Variants in ANKS1B observed in about 807,000 individuals in gnomAD.
The protein encoded by ANKS1B is ankyrin repeat and sterile alpha motif domain containing 1B.
ANKS1B carries 36 observed loss-of-function variants against 148.3 expected under a neutral mutation model. That is an observed-to-expected ratio of 0.24 (90% CI 0.19 to 0.32). The LOEUF is 0.32. ANKS1B is among the 10% of genes least tolerant of loss of function. The pLI, the probability that ANKS1B is intolerant of heterozygous loss-of-function variation, is 1.00. For missense variants in ANKS1B, 1,157 were observed against 1,542.6 expected, an observed-to-expected ratio of 0.75 and a Z score of 4.19; for synonymous variants, 542 against 560.8, an observed-to-expected ratio of 0.97 and a Z score of 0.47.
chr12:99,258,289 T>C (rs1297793097), intron 12 of ANKS1B, among the ~76,000 whole-genome samples: 1 of 152,100 alleles, frequency 6.6e-6, no homozygotes, highest in African/African-American at 2.4e-5. Flanking sequence ...AACAAGCTTA[T>C]TTTAATTAAT....
At chr12:99,217,022 G>A (rs973229112) in intron 14 of ANKS1B, among the ~76,000 whole-genome samples, 1 of 152,166 alleles carries the variant, frequency 6.6e-6, no homozygotes, top group African/African-American at 2.4e-5. Context: ...GAAGCTGTGT[G>A]TTAAAGGTGG....
intron 17 of ANKS1B, among the ~76,000 whole-genome samples, chr12:98,956,602 G>A (rs1441665780): frequency 6.7e-6 from 1 of 149,358 alleles, no homozygotes; most frequent in Non-Finnish European, 1.5e-5. Flanking sequence ...CCTGTAGTTA[G>A]TTAACTTATT....
At chr12:99,528,743 A>T (rs2096956698) in intron 9 of ANKS1B, among the ~76,000 whole-genome samples, 1 of 151,804 alleles carries the variant, frequency 6.6e-6, no homozygotes, top group African/African-American at 2.4e-5. Flanking sequence ...ATGTGCAAGT[A>T]CTGATATGTT....
chr12:98,884,741 G>T lies in ANKS1B; in HGVS notation c.2779-52605C>A, dbSNP rs998103618. On this transcript the variant is annotated intron_variant, in intron 17 of 26. Coordinates refer to ENST00000683438, the MANE Select transcript of ANKS1B (RefSeq NM_001352186.2). ...GTGAACCCGGGAAGCGGAGCTTGCA[G>T]TGAGCTGAGATTGCGCCACTGCAGT... is the stretch of plus-strand genomic sequence containing the variant. Among the ~76,000 whole-genome samples the T allele has an allele frequency of 2.0e-5, 3 of 149,688 alleles. No individual in the cohort carries two copies. In the Admixed American group the frequency reaches 2.0e-4, roughly 10 times the overall value.
chr12:99,088,836 C>CTTTTTTT (rs1292229404), intron 15 of ANKS1B, among the ~76,000 whole-genome samples: 1 of 47,734 alleles, frequency 2.1e-5, no homozygotes, highest in African/African-American at 7.5e-5. Flanking sequence ...AGTTTAACTT[C>CTTTTTTT]TGTTTTTTTT....
At chr12:99,756,159 T>C (rs1040169608) in intron 8 of ANKS1B, among the ~76,000 whole-genome samples, 15 of 135,896 alleles carry the variant, frequency 1.1e-4, no homozygotes, top group African/African-American at 4.2e-4. Flanking sequence ...AAACCATCCC[T>C]GTTTGCAGAT....
intron 9 of ANKS1B, among the ~76,000 whole-genome samples, chr12:99,528,881 T>G (rs1350218712): frequency 6.6e-6 from 1 of 152,176 alleles, no homozygotes; most frequent in Non-Finnish European, 1.5e-5. Context: ...ACATTTGGTG[T>G]TTAACACTGG....
At chr12:99,640,229 TACAA>T (rs1258592410) in intron 9 of ANKS1B, among the ~76,000 whole-genome samples, 2 of 152,070 alleles carry the variant, frequency 1.3e-5, no homozygotes, top group African/African-American at 2.4e-5. Context: ...AAAACGATCA[TACAA>T]ACAATTCATC....
intron 12 of ANKS1B, among the ~76,000 whole-genome samples, chr12:99,285,076 C>A (rs552962007): frequency 2.0e-5 from 3 of 152,100 alleles, no homozygotes; most frequent in Non-Finnish European, 4.4e-5. Flanking sequence ...ATCTATCATC[C>A]AAAAATTTCC....
intron 17 of ANKS1B, among the ~76,000 whole-genome samples, chr12:99,026,505 CAG>C (rs1344784412): frequency 6.6e-6 from 1 of 152,130 alleles, no homozygotes; most frequent in Non-Finnish European, 1.5e-5. Flanking sequence ...AGCCCTTCCC[CAG>C]AGTAGACAAA....
chr12:98,766,803 A>G (rs1263165986), intron 25 of ANKS1B, among the ~76,000 whole-genome samples: 1 of 152,058 alleles, frequency 6.6e-6, no homozygotes, highest in East Asian at 1.9e-4. Flanking sequence ...AAAGCACTCA[A>G]GAATTTAAAT....
chr12:99,223,940 T>C (rs890447962), intron 14 of ANKS1B, among the ~76,000 whole-genome samples: 1 of 152,260 alleles, frequency 6.6e-6, no homozygotes, highest in African/African-American at 2.4e-5. Context: ...TACTTCATTG[T>C]CCTGGAATTT....
chr12:99,761,379 G>T (rs899292796), intron 8 of ANKS1B, among the ~76,000 whole-genome samples: 2 of 151,808 alleles, frequency 1.3e-5, no homozygotes, highest in Admixed American at 1.3e-4. Flanking sequence ...TGGGATACAG[G>T]GTTGATTAAA....
chr12:98,745,611 C>A lies in ANKS1B; in HGVS notation c.*128G>T. The A allele has an allele frequency of 7.0e-7, 1 of 1,437,262 alleles. No homozygotes were observed. 89.0% of individuals were successfully genotyped at this position (1,437,262 alleles called of 1,614,324 possible). ...CCCAGGAATGGCCAGTGGCCTTTCG[C>A]CCGTAACAAGGCCGCACGCTCAGAG... On this transcript the variant is annotated 3_prime_UTR_variant, in exon 27 of 27. Transcript: ENST00000683438.
At chr12:99,618,472 G>A (rs1020458172) in intron 9 of ANKS1B, among the ~76,000 whole-genome samples, 2 of 152,072 alleles carry the variant, frequency 1.3e-5, no homozygotes, top group African/African-American at 4.8e-5. Flanking sequence ...AATTCAAGAA[G>A]GAAAATGGGA....
chr12:99,491,121 T>C (rs952822938), intron 10 of ANKS1B, among the ~76,000 whole-genome samples: 2 of 152,002 alleles, frequency 1.3e-5, no homozygotes, highest in Non-Finnish European at 2.9e-5. Context: ...ATGGAGACCA[T>C]AGTGAAACCC....
intron 26 of ANKS1B, among the ~76,000 whole-genome samples, chr12:98,750,809 C>A (rs1370840972): frequency 6.6e-6 from 1 of 152,232 alleles, no homozygotes; most frequent in Non-Finnish European, 1.5e-5. Flanking sequence ...GGAGGGGCTG[C>A]ACCTTCTGAA....
At chr12:99,338,714 C>T (rs888908708) in intron 12 of ANKS1B, among the ~76,000 whole-genome samples, 2 of 152,158 alleles carry the variant, frequency 1.3e-5, no homozygotes, top group African/African-American at 2.4e-5. Flanking sequence ...TTATTCAAGG[C>T]CCATGGGCTC....
chr12:99,577,599 CT>C (rs1336373909), intron 9 of ANKS1B, among the ~76,000 whole-genome samples: 4 of 151,904 alleles, frequency 2.6e-5, no homozygotes, highest in African/African-American at 9.7e-5. Context: ...ATTATAAACA[CT>C]TCTATGCACA....
Sources: gnomAD v4.1 joint callset for allele counts (sites outside exome capture counted in the v4.1 genomes callset) on GRCh38, gnomAD v4.1.1 for gene constraint, MANE v1.5 for transcripts, NCBI Gene and HGNC (gene_info 2026-07-23, HGNC 2026-07-21) for gene names.